The following SDK1 variants were observed in gnomAD, a reference collection of about 807,000 sequenced individuals.
SDK1 encodes the protein sidekick cell adhesion molecule 1, also known as protein sidekick-1.
A neutral mutation model predicts 245.5 loss-of-function variants in SDK1; 157 were observed. That is an observed-to-expected ratio of 0.64 (90% CI 0.56 to 0.73). The LOEUF (loss-of-function observed/expected upper bound fraction) is 0.73. Among genes scored for constraint, SDK1 ranks in the 30% least tolerant of loss-of-function variants. The pLI is 0.00. For synonymous variants in SDK1, 1,647 were observed against 1,278.5 expected, an observed-to-expected ratio of 1.29 and a Z score of -6.15; for missense variants, 3,583 against 3,002.3, an observed-to-expected ratio of 1.19 and a Z score of -4.52.
At chr7:3,700,904 A>G (rs752469230) in intron 4 of SDK1, among the ~76,000 whole-genome samples, 3 of 152,076 alleles carry the variant, frequency 2.0e-5, no homozygotes, top group Non-Finnish European at 2.9e-5. Flanking sequence ...TGGGTATTAT[A>G]GGAACCCATT....
At chr7:3,935,779 T>C (rs1013040169) in intron 5 of SDK1, among the ~76,000 whole-genome samples, 8 of 152,228 alleles carry the variant, frequency 5.3e-5, no homozygotes, top group African/African-American at 1.4e-4. Flanking sequence ...CTGGAACGCT[T>C]AGGTACTGCT....
Position 4,210,088 on chromosome 7 carries a change from G to A in SDK1, c.5465G>A (p.Trp1822Ter). The change falls in exon 38 of 45, where the codon TGG becomes TAG. Residue 1822 changes from tryptophan to a stop codon, truncating the protein, a stop_gained. Transcript: ENST00000404826. LOFTEE classifies it high-confidence loss of function. ...ACCTCCACCACGCTCAACGTGTCCT[G>A]GGGCGAGCCTGCGGCGGCCAACGGC... Reference protein sequence around the residue: ...EITSTTLNVSWGEPAAANGIL... With the variant: ...EITSTTLNVS 3 of 1,610,608 alleles carry A rather than the reference G, an allele frequency of 1.9e-6. No individual in the cohort carries two copies. Among genetic ancestry groups the A allele is most frequent in the Non-Finnish European group, 2.5e-6 (3 of 1,178,716 alleles).
At chr7:3,645,973 C>A (rs1782822466) in intron 4 of SDK1, among the ~76,000 whole-genome samples, 1 of 152,078 alleles carries the variant, frequency 6.6e-6, no homozygotes, top group Admixed American at 6.6e-5. Context: ...ATGTTCCTAC[C>A]TCAGCCTCCT....
chr7:3,687,429 A>G (rs10951278), intron 4 of SDK1, among the ~76,000 whole-genome samples: 123,512 of 152,198 alleles, frequency 0.81, 50,354 homozygotes, highest in Non-Finnish European at 0.86. Context: ...GCCCAGCCCC[A>G]TAGCATTTTT....
intron 5 of SDK1, among the ~76,000 whole-genome samples, chr7:3,920,240 G>T (rs1779539583): frequency 6.6e-6 from 1 of 152,192 alleles, no homozygotes; most frequent in African/African-American, 2.4e-5. Flanking sequence ...GTGATTCGTT[G>T]AAAGATCTTA....
rs572213056 is a variant in SDK1 at position 4,109,478 on chromosome 7, G to A, written c.3325-1185G>A. ...CTATCCTGTCATTTAAGCCACTTAC[G>A]AAGTGTTAAATGCACCAGGCCCCAG... On this transcript the variant is annotated intron_variant, in intron 22 of 44. Coordinates refer to ENST00000404826, the MANE Select transcript of SDK1 (RefSeq NM_152744.4). Among the ~76,000 whole-genome samples, 16 of 152,294 alleles carry A rather than the reference G, an allele frequency of 1.1e-4. 1 individual carries two copies. Among genetic ancestry groups the A allele is most frequent in the South Asian group, 1.0e-3 (5 of 4,822 alleles).
chr7:3,783,200 TAGA>T (rs1381958432), intron 4 of SDK1, among the ~76,000 whole-genome samples: 1 of 152,176 alleles, frequency 6.6e-6, no homozygotes, highest in Non-Finnish European at 1.5e-5. Context: ...AAATTAGTTG[TAGA>T]AGGAGTGGAC....
chr7:3,353,170 T>G (rs1554261001), intron 1 of SDK1, among the ~76,000 whole-genome samples: 1 of 146,708 alleles, frequency 6.8e-6, no homozygotes, highest in Non-Finnish European at 1.5e-5. Flanking sequence ...GATAGATAGG[T>G]AAGTGGTGTA....
intron 1 of SDK1, among the ~76,000 whole-genome samples, chr7:3,467,632 T>C (rs1474000778): frequency 6.6e-6 from 1 of 152,130 alleles, no homozygotes; most frequent in Non-Finnish European, 1.5e-5. Context: ...GTTTTGCAGC[T>C]ATTAAATTTT....
chr7:3,684,729 C>T (rs1029422419), intron 4 of SDK1, among the ~76,000 whole-genome samples: 8 of 149,018 alleles, frequency 5.4e-5, no homozygotes, highest in South Asian at 2.2e-4. Context: ...AAAAGTGCTT[C>T]GGTAAGTAAT....
At chr7:3,591,390 G>A (rs1780870188) in intron 1 of SDK1, among the ~76,000 whole-genome samples, 1 of 152,228 alleles carries the variant, frequency 6.6e-6, no homozygotes, top group Non-Finnish European at 1.5e-5. Flanking sequence ...GACCTGGGAA[G>A]GATCACTGGC....
chr7:3,582,612 T>C (rs911539219), intron 1 of SDK1, among the ~76,000 whole-genome samples: 4 of 146,912 alleles, frequency 2.7e-5, no homozygotes, highest in African/African-American at 7.6e-5. Context: ...CAAAGTAATC[T>C]ATGTAATGAA....
chr7:4,048,078 C>T (rs1789150950), intron 17 of SDK1, among the ~76,000 whole-genome samples: 1 of 152,158 alleles, frequency 6.6e-6, no homozygotes, highest in Admixed American at 6.5e-5. Flanking sequence ...TTATGTTTGT[C>T]TCATCTCTGC....
At chr7:3,482,849 G>T (rs1201851124) in intron 1 of SDK1, among the ~76,000 whole-genome samples, 1 of 152,206 alleles carries the variant, frequency 6.6e-6, no homozygotes, top group Non-Finnish European at 1.5e-5. Context: ...TGTACATCTT[G>T]ATTACGAAAT....
chr7:3,583,567 C>G (rs1780585716), intron 1 of SDK1, among the ~76,000 whole-genome samples: 1 of 152,204 alleles, frequency 6.6e-6, no homozygotes, highest in South Asian at 2.1e-4. Context: ...CACTGAGTAA[C>G]TAGTAAGTAC....
chr7:4,199,107 A>T (rs1337417976), intron 35 of SDK1, among the ~76,000 whole-genome samples: 1 of 152,062 alleles, frequency 6.6e-6, no homozygotes, highest in African/African-American at 2.4e-5. Flanking sequence ...GAGCCAGCGT[A>T]CCCGGCCTCA....
intron 1 of SDK1, among the ~76,000 whole-genome samples, chr7:3,471,739 C>G (rs1007508426): frequency 6.6e-6 from 1 of 152,086 alleles, no homozygotes; most frequent in Admixed American, 6.5e-5. Context: ...TTTTCTTAGC[C>G]AAGAACAGAG....
chr7:4,001,293 C>A lies in SDK1; in HGVS notation c.2132-9673C>A, dbSNP rs73673221. ...TTAGGATTGGTCTCCCACCCAAGAT[C>A]GAGTTCCCCAAGCTTCTGGATATAT... On this transcript the variant is annotated intron_variant, in intron 14 of 44. Transcript: ENST00000404826. 5.2e-3 allele frequency among the ~76,000 whole-genome samples: 797 copies of A among 152,324 alleles called. 6 individuals carry two copies. Among genetic ancestry groups the A allele is most frequent in the African/African-American group, 0.018 (754 of 41,586 alleles).
At chr7:3,521,616 A>G (rs1158002063) in intron 1 of SDK1, among the ~76,000 whole-genome samples, 3 of 152,186 alleles carry the variant, frequency 2.0e-5, no homozygotes, top group Admixed American at 6.5e-5. Context: ...GGCCTTATAG[A>G]GGAGGAAGCA....
Sources: allele counts gnomAD v4.1 joint callset (sites outside exome capture counted in the v4.1 genomes callset), GRCh38; gene constraint gnomAD v4.1.1; transcripts MANE v1.5; gene names NCBI Gene and HGNC (gene_info 2026-07-23, HGNC 2026-07-21).